The following LTBP1 variants were observed in gnomAD, a reference collection of about 807,000 sequenced individuals.
LTBP1 encodes the protein latent transforming growth factor beta binding protein 1, also known as latent-transforming growth factor beta-binding protein 1.
A neutral mutation model predicts 207.6 loss-of-function variants in LTBP1; 129 were observed. The observed-to-expected ratio is 0.62, with a 90% CI of 0.54 to 0.72. The LOEUF (loss-of-function observed/expected upper bound fraction) is 0.72, where lower values mean the gene tolerates loss of function less well. Among genes scored for constraint, LTBP1 ranks in the 30% least tolerant of loss-of-function variants. The pLI is 0.00. For synonymous variants in LTBP1, 963 were observed against 833.7 expected (o/e 1.16, Z -2.67); for missense variants, 2,281 against 2,217.2 (o/e 1.03, Z -0.58).
intron 4 of LTBP1, among the ~76,000 whole-genome samples, chr2:33,124,162 A>C (rs1045888934): frequency 6.6e-6 from 1 of 152,226 alleles, no homozygotes; most frequent in Non-Finnish European, 1.5e-5. Context: ...TAATCCAGGC[A>C]CTTTAGGAGG....
At chr2:33,310,715 C>G (rs80287767) in intron 23 of LTBP1, among the ~76,000 whole-genome samples, 93 of 152,194 alleles carry the variant, frequency 6.1e-4, no homozygotes, top group African/African-American at 2.1e-3. Flanking sequence ...ACAAGGTAGC[C>G]CATTGAGTCA....
At chr2:33,155,124 G>A (rs1392726110) in intron 5 of LTBP1, among the ~76,000 whole-genome samples, 4 of 152,086 alleles carry the variant, frequency 2.6e-5, no homozygotes, top group Admixed American at 1.3e-4. Flanking sequence ...GAACTTGTCT[G>A]TATCACCATA....
intron 7 of LTBP1, among the ~76,000 whole-genome samples, chr2:33,203,595 T>G (rs2149139787): frequency 6.6e-6 from 1 of 152,348 alleles, no homozygotes; most frequent in African/African-American, 2.4e-5. Flanking sequence ...TATGTGTTTC[T>G]TCATTGGTTC....
At chr2:33,188,410 A>G (rs2087444960) in intron 6 of LTBP1, among the ~76,000 whole-genome samples, 167 bp from the exon 7 acceptor site, 1 of 142,588 alleles carries the variant, frequency 7.0e-6, no homozygotes, top group African/African-American at 2.6e-5. Flanking sequence ...CTGGGTGACC[A>G]GAGCGAAACT....
chr2:33,336,604 A>G (rs549719720), intron 24 of LTBP1, among the ~76,000 whole-genome samples: 174 of 152,324 alleles, frequency 1.1e-3, no homozygotes, highest in African/African-American at 3.9e-3. Context: ...AGATTTTCCT[A>G]TGAATTATCC....
chr2:33,335,275 T>C (rs2094541955), intron 24 of LTBP1, among the ~76,000 whole-genome samples: 1 of 152,200 alleles, frequency 6.6e-6, no homozygotes, highest in South Asian at 2.1e-4. Flanking sequence ...TGTCATTTCT[T>C]ATTGCTTATC....
intron 2 of LTBP1, among the ~76,000 whole-genome samples, chr2:32,973,457 G>A (rs1209967192): frequency 6.6e-6 from 1 of 151,628 alleles, no homozygotes; most frequent in African/African-American, 2.4e-5. Flanking sequence ...ATTTTTGTGG[G>A]TACACAGTAG....
intron 7 of LTBP1, among the ~76,000 whole-genome samples, chr2:33,189,991 C>T (rs867937941): frequency 8.5e-5 from 13 of 152,198 alleles, no homozygotes; most frequent in Middle Eastern, 3.4e-3. Flanking sequence ...CATACCACTG[C>T]GCTCCAGCCT....
At chr2:33,270,848 A>G (rs1001977471) in intron 15 of LTBP1, among the ~76,000 whole-genome samples, 3 of 152,182 alleles carry the variant, frequency 2.0e-5, no homozygotes, top group South Asian at 2.1e-4. Context: ...CCACGTCTCT[A>G]TATACTTATG....
chr2:33,057,812 C>T (rs1156699248), intron 3 of LTBP1, among the ~76,000 whole-genome samples: 14 of 152,368 alleles, frequency 9.2e-5, no homozygotes, highest in Non-Finnish European at 4.4e-5. Context: ...GCCTCTCCCT[C>T]CACACCTCCC....
chr2:33,215,711 C>CTTTTTTTTTTTTTTTT (rs201936680), intron 7 of LTBP1, among the ~76,000 whole-genome samples: 2 of 125,998 alleles, frequency 1.6e-5, no homozygotes, highest in African/African-American at 3.0e-5. Context: ...CATTGGTTTT[C>CTTTTTTTTTTTTTTTT]TTTTGTTTTT....
chr2:32,966,924 T>C (rs1253361623), intron 2 of LTBP1, among the ~76,000 whole-genome samples: 1 of 152,152 alleles, frequency 6.6e-6, no homozygotes, highest in African/African-American at 2.4e-5. Context: ...TCTTCTATCT[T>C]CTGAGAGAGA....
intron 2 of LTBP1, among the ~76,000 whole-genome samples, chr2:32,968,148 G>T (rs1007755896): frequency 1.3e-5 from 2 of 151,904 alleles, no homozygotes; most frequent in African/African-American, 4.8e-5. Context: ...TGTATTTTTT[G>T]GTAGAAATAG....
intron 9 of LTBP1, among the ~76,000 whole-genome samples, chr2:33,228,697 C>CTTTTTTTTTTTTTTTTTTTTTTTTTGT (rs1244221993): frequency 1.0e-5 from 1 of 99,060 alleles, no homozygotes; most frequent in Non-Finnish European, 1.9e-5. Context: ...GGGTTATACC[C>CTTTTTTTTTTTTTTTTTTTTTTTTTGT]TTTTTTTTTT....
chr2:33,274,517 T>G (rs1005754118), intron 16 of LTBP1, among the ~76,000 whole-genome samples: 1 of 152,204 alleles, frequency 6.6e-6, no homozygotes, highest in Non-Finnish European at 1.5e-5. Context: ...CCTTGTCATT[T>G]GTATACATTA....
At chr2:33,116,276 A>G (rs1016895479) in intron 4 of LTBP1, among the ~76,000 whole-genome samples, 1 of 152,236 alleles carries the variant, frequency 6.6e-6, no homozygotes, top group Non-Finnish European at 1.5e-5. Flanking sequence ...TGGATTTCTC[A>G]TTGCTAATTC....
At chr2:33,176,720 A>G (rs1023324971) in intron 5 of LTBP1, among the ~76,000 whole-genome samples, 3 of 152,116 alleles carry the variant, frequency 2.0e-5, no homozygotes, top group Non-Finnish European at 4.4e-5. Context: ...GATGGCAGGC[A>G]TGAGCAGGCT....
intron 16 of LTBP1, among the ~76,000 whole-genome samples, chr2:33,274,321 C>T (rs1428901675): frequency 1.4e-5 from 2 of 144,852 alleles, no homozygotes; most frequent in Admixed American, 7.0e-5. Flanking sequence ...TTTAATGTGA[C>T]TCTAAATTTA....
intron 31 of LTBP1, among the ~76,000 whole-genome samples, chr2:33,372,196 C>T (rs775591783): frequency 1.2e-4 from 19 of 152,172 alleles, no homozygotes; most frequent in Non-Finnish European, 2.5e-4. Context: ...CAAATCCAGG[C>T]ACCCTTGCTC....
Sources: allele counts gnomAD v4.1 joint callset (sites outside exome capture counted in the v4.1 genomes callset), GRCh38; gene constraint gnomAD v4.1.1; transcripts MANE v1.5; gene names NCBI Gene and HGNC (gene_info 2026-07-23, HGNC 2026-07-21).